FGF13: variants seen among roughly 807,000 people sequenced by gnomAD.
FGF13 encodes the protein fibroblast growth factor 13.
A neutral mutation model predicts 19.5 loss-of-function variants in FGF13; 2 were observed. That is an observed-to-expected ratio of 0.10 (90% confidence interval 0.04 to 0.32). FGF13 has a LOEUF of 0.32. Among genes scored for constraint, FGF13 ranks in the 10% least tolerant of loss-of-function variants. The pLI is 1.00. For missense variants in FGF13, 113 were observed against 192.7 expected (o/e 0.59, Z 2.45); for synonymous variants, 72 against 76.9 (o/e 0.94, Z 0.33).
At chrX:138,744,071 C>T (rs1201184149), upstream of FGF13, among the ~76,000 whole-genome samples, 1 of 108,791 alleles carries the variant, frequency 9.2e-6, no homozygotes, top group African/African-American at 3.3e-5. Context: ...CTAAAGAGTT[C>T]CAGGAAGGAG....
At chrX:138,904,223 A>C (rs913221100) in intron 1 of FGF13, among the ~76,000 whole-genome samples, 1 of 111,666 alleles carries the variant, frequency 9.0e-6, no homozygotes, top group Non-Finnish European at 1.9e-5. Context: ...GGATACACAG[A>C]AGCAGCACAA....
intron 1 of FGF13, among the ~76,000 whole-genome samples, chrX:138,723,211 CT>C (rs897278971): frequency 9.0e-6 from 1 of 111,702 alleles, no homozygotes; most frequent in African/African-American, 3.3e-5. Context: ...CTCCCTCTTA[CT>C]TTCTTTCTGT....
chrX:138,678,471 T>C (rs1394984586), intron 3 of FGF13, among the ~76,000 whole-genome samples: 1 of 112,095 alleles, frequency 8.9e-6, no homozygotes, highest in East Asian at 2.8e-4. Flanking sequence ...TTTCTTATTG[T>C]AGTTTTAAAG....
At chrX:138,955,256 T>A (rs932665721) in intron 1 of FGF13, among the ~76,000 whole-genome samples, 2 of 112,875 alleles carry the variant, frequency 1.8e-5, no homozygotes, top group Non-Finnish European at 3.7e-5. Context: ...GGGAACTAAA[T>A]CATGTTTCAC....
Position 138,852,049 on chromosome X carries a change from T to C in FGF13, c.217+5463A>G, listed in dbSNP as rs145146870. ...CCTCTTCAAGGGAACTATAAACCACTGCTCAAAATAAATCAGAGGACACAA... is the reference window on the plus strand; with the variant it reads ...CCTCTTCAAGGGAACTATAAACCACCGCTCAAAATAAATCAGAGGACACAA... On this transcript the variant is annotated intron_variant, in intron 3 of 6. Transcript: ENST00000436198. Among the ~76,000 whole-genome samples the C allele has an allele frequency of 6.5e-4, 73 of 111,540 alleles. No individual in the cohort carries two copies. In the East Asian group the frequency reaches 0.016, roughly 24 times the overall value.
chrX:139,204,320 T>TCGCCGCCGCCGC (rs770201350), upstream of FGF13: 4 of 325,782 alleles, frequency 1.2e-5, no homozygotes, highest in East Asian at 5.3e-5. Flanking sequence ...GGAGCCGCCG[T>TCGCCGCCGCCGC]CGCCGCCGCC....
intron 3 of FGF13, among the ~76,000 whole-genome samples, chrX:138,780,591 G>A (rs1395024375): frequency 1.1e-5 from 1 of 91,168 alleles, no homozygotes; most frequent in Non-Finnish European, 2.2e-5. Context: ...ATGGTAAAGG[G>A]ATCAATTCAA....
chrX:138,711,357 GCTCC>G lies in FGF13; in HGVS notation c.-358_-355del. 1 of 603,806 alleles carries G rather than the reference GCTCC, an allele frequency of 1.7e-6. No homozygotes were observed. The highest frequency in any genetic ancestry group is 2.8e-5 in the African/African-American group (1 of 35,509). The allele number at this position is 603,806 out of a possible 1,213,427, so 49.8% of individuals were successfully genotyped here. A position where few individuals can be genotyped will look rare whatever the true frequency, so the allele number is the denominator to read the frequency against. ...CGGCGGACACCGTGCATGTCCAGCTGCTCCGGTCCGAATTTCGCCGGACCCCCTC... is the reference window on the plus strand; with the variant it reads ...CGGCGGACACCGTGCATGTCCAGCTGGGTCCGAATTTCGCCGGACCCCCTC... On this transcript the variant is annotated 5_prime_UTR_variant, in exon 1 of 5. Transcript: ENST00000315930.
At chrX:138,873,824 T>C (rs908952019) in intron 1 of FGF13, among the ~76,000 whole-genome samples, 14 of 110,197 alleles carry the variant, frequency 1.3e-4, no homozygotes, top group Admixed American at 7.8e-4. Flanking sequence ...TATGTAGCCA[T>C]AAAAAAGGAT....
chrX:138,644,765 T>G (rs2089288780), intron 3 of FGF13, among the ~76,000 whole-genome samples: 1 of 111,854 alleles, frequency 8.9e-6, no homozygotes, highest in African/African-American at 3.3e-5. Context: ...CAAATGGAAG[T>G]CACTATAGCA....
rs183307873 is a variant in FGF13 at position 138,838,401 on chromosome X, T to C, written c.217+19111A>G. On this transcript the variant is annotated intron_variant, in intron 3 of 6. Coordinates refer to the FGF13 transcript ENST00000436198. ...ACTCTGCAGAAACTCCGTGTAGCTC[T>C]GTGTGTCAGGCTGAAGGTCCCAGTG... Among the ~76,000 whole-genome samples the C allele has an allele frequency of 2.4e-3, 274 of 111,960 alleles. 6 individuals are homozygous for C. The Admixed American group carries it at 0.026, about 11-fold the overall frequency.
At chrX:138,897,790 C>T (rs2091511699) in intron 1 of FGF13, among the ~76,000 whole-genome samples, 1 of 111,536 alleles carries the variant, frequency 9.0e-6, no homozygotes, top group Non-Finnish European at 1.9e-5. Flanking sequence ...GCATGATCAG[C>T]CATGGCAATT....
At chrX:138,757,298 C>T (rs1026311305) in intron 3 of FGF13, among the ~76,000 whole-genome samples, 2 of 109,698 alleles carry the variant, frequency 1.8e-5, no homozygotes, top group East Asian at 2.9e-4. Context: ...TAGTGTATGT[C>T]GCTGAATTCC....
upstream of FGF13, chrX:139,203,947 G>T: frequency 1.3e-6 from 1 of 799,993 alleles, no homozygotes; most frequent in Non-Finnish European, 1.9e-6. Flanking sequence ...AGAGGTCATG[G>T]GCAGCTTAGG....
intron 1 of FGF13, among the ~76,000 whole-genome samples, chrX:139,075,687 CCT>C (rs1455767873): frequency 8.9e-6 from 1 of 111,790 alleles, no homozygotes; most frequent in African/African-American, 3.2e-5. Flanking sequence ...GCTAAACCTG[CCT>C]CTCTTTTCCC....
intron 4 of FGF13, 47 bp from the exon 5 acceptor site, chrX:138,633,033 C>T: frequency 4.3e-6 from 5 of 1,168,073 alleles, no homozygotes; most frequent in Non-Finnish European, 5.8e-6. Flanking sequence ...AATGGGCATA[C>T]CAATTGTGAA....
chrX:139,146,841 C>A (rs2083893828), intron 1 of FGF13, among the ~76,000 whole-genome samples: 1 of 110,315 alleles, frequency 9.1e-6, no homozygotes, highest in African/African-American at 3.3e-5. Context: ...AAGCTGGAAA[C>A]CATCATTCTG....
downstream of FGF13, among the ~76,000 whole-genome samples, chrX:138,856,836 G>T (rs1302884805): frequency 8.9e-6 from 1 of 111,984 alleles, no homozygotes; most frequent in Admixed American, 9.5e-5. Flanking sequence ...CTGGCCAGAT[G>T]AAATACTTTG....
chrX:138,718,810 T>C (rs2090128080), intron 1 of FGF13, among the ~76,000 whole-genome samples: 1 of 111,770 alleles, frequency 8.9e-6, no homozygotes, highest in South Asian at 3.7e-4. Context: ...ATTTTTAAGC[T>C]CTCCCTTCTG....
Sources: gnomAD v4.1 joint callset for allele counts (sites outside exome capture counted in the v4.1 genomes callset) on GRCh38, gnomAD v4.1.1 for gene constraint, MANE v1.5 for transcripts, NCBI Gene and HGNC (gene_info 2026-07-23, HGNC 2026-07-21) for gene names.